Variants in HMGCLL1 observed in about 807,000 individuals in gnomAD.
HMGCLL1 encodes 3-hydroxymethyl-3-methylglutaryl-CoA lyase, cytoplasmic.
In HMGCLL1, 36 loss-of-function variants were observed where a neutral mutation model predicts 39.1. That is an observed-to-expected ratio of 0.92 (90% confidence interval 0.71 to 1.22). The LOEUF (loss-of-function observed/expected upper bound fraction) is 1.22, where lower values mean the gene tolerates loss of function less well. Among genes scored for constraint, HMGCLL1 ranks in the 50% most tolerant of loss-of-function variants. The probability of loss-of-function intolerance (pLI) is 0.00; values close to 1 mark genes in which losing one functional copy is unlikely to be tolerated. For synonymous variants in HMGCLL1, 149 were observed against 144.0 expected, an observed-to-expected ratio of 1.03 and a Z score of -0.25; for missense variants, 451 against 416.5, an observed-to-expected ratio of 1.08 and a Z score of -0.72.
intron 3 of HMGCLL1, among the ~76,000 whole-genome samples, chr6:55,523,383 C>A (rs1300292447): frequency 6.6e-6 from 1 of 151,958 alleles, no homozygotes; most frequent in Non-Finnish European, 1.5e-5. Context: ...ATTGCTTTGA[C>A]TGCTCTATAG....
chr6:55,593,331 T>G, the HMGCLL1 span, among the ~76,000 whole-genome samples: 1 of 152,276 alleles, frequency 6.6e-6, no homozygotes, highest in South Asian at 2.1e-4. Flanking sequence ...AGAAAACAAT[T>G]AAAATTAGTT....
rs138126869 is a variant in HMGCLL1 at position 55,445,341 on chromosome 6, T to A, written c.796-5782A>T. 6.1e-3 allele frequency among the ~76,000 whole-genome samples: 929 copies of A among 152,160 alleles called. 7 individuals carry two copies. The highest frequency in any genetic ancestry group is 9.6e-3 in the Non-Finnish European group (654 of 67,940). The stretch of plus-strand genomic sequence containing the variant: ...TCTAAGAAAATTTTATTTCACTATG[T>A]ATGTTTTCTTCACATCTACTACCTT... On this transcript the variant is annotated intron_variant, in intron 7 of 8. Coordinates refer to ENST00000274901, the MANE Select transcript of HMGCLL1 (RefSeq NM_001042406.2).
intron 5 of HMGCLL1, among the ~76,000 whole-genome samples, chr6:55,502,393 G>A (rs1766935476): frequency 6.6e-6 from 1 of 151,570 alleles, no homozygotes; most frequent in Non-Finnish European, 1.5e-5. Context: ...CTAATTTCTA[G>A]AAAATTCTCA....
chr6:55,656,479 C>T, the HMGCLL1 span, among the ~76,000 whole-genome samples: 23 of 151,880 alleles, frequency 1.5e-4, 1 homozygote, highest in Non-Finnish European at 2.9e-5. Context: ...TTATAAGCAC[C>T]ATTAACAGGC....
intron 1 of HMGCLL1, among the ~76,000 whole-genome samples, chr6:55,554,248 A>G (rs916804844): frequency 3.9e-4 from 59 of 152,304 alleles, no homozygotes; most frequent in African/African-American, 1.2e-3. Context: ...AAGAGTATCA[A>G]AAAAGTCCTA....
rs145537404 is a variant in HMGCLL1 at position 55,489,671 on chromosome 6, G to T, written c.795+5748C>A. On this transcript the variant is annotated intron_variant, in intron 7 of 8. Transcript: ENST00000274901. The stretch of plus-strand genomic sequence containing the variant: ...GTCTGAAGGAAATAAAATAACAGCT[G>T]AAACCTAGGATTAATGTCATACTAG... 3.3e-3 allele frequency among the ~76,000 whole-genome samples: 497 copies of T among 151,978 alleles called. 2 individuals are homozygous for T. Among genetic ancestry groups the T allele is most frequent in the African/African-American group, 0.011 (470 of 41,486 alleles).
At chr6:55,498,373 T>C (rs1330930189) in intron 6 of HMGCLL1, among the ~76,000 whole-genome samples, 1 of 152,112 alleles carries the variant, frequency 6.6e-6, no homozygotes. Context: ...GGGTCTTGTG[T>C]AAATAATAGA....
chr6:55,581,890 T>C (rs1360273713), upstream of HMGCLL1, among the ~76,000 whole-genome samples: 1 of 152,028 alleles, frequency 6.6e-6, no homozygotes, highest in Non-Finnish European at 1.5e-5. Context: ...TTCTGTTTTC[T>C]CTAGTGACTT....
At chr6:55,540,482 A>G (rs1192671456) in intron 3 of HMGCLL1, among the ~76,000 whole-genome samples, 1 of 152,080 alleles carries the variant, frequency 6.6e-6, no homozygotes, top group Non-Finnish European at 1.5e-5. Flanking sequence ...CCACCATATG[A>G]GGATAGAATG....
At chr6:55,482,471 T>C (rs763775777) in intron 7 of HMGCLL1, among the ~76,000 whole-genome samples, 3 of 152,160 alleles carry the variant, frequency 2.0e-5, no homozygotes, top group Admixed American at 6.5e-5. Flanking sequence ...TTAACACTTA[T>C]AACTCTAAGG....
At position 55,477,182 on chromosome 6, in the gene HMGCLL1, T is replaced by TA. The variant is rs1491427320; in HGVS notation, c.795+18236_795+18237insT. Among the ~76,000 whole-genome samples the TA allele has an allele frequency of 3.4e-4, 8 of 23,300 alleles. 1 individual carries two copies. Among genetic ancestry groups the TA allele is most frequent in the African/African-American group, 2.5e-3 (8 of 3,214 alleles). The allele number at this position is 23,300 out of a possible 152,430, so 15.3% of individuals were successfully genotyped here. ...ATATTATAATATAATATATATTATA[T>TA]TTATATATTATATATTATATAATAT... On this transcript the variant is annotated intron_variant, in intron 7 of 8. Transcript: ENST00000274901.
At chr6:55,603,871 C>T in the HMGCLL1 span, among the ~76,000 whole-genome samples, 1 of 152,060 alleles carries the variant, frequency 6.6e-6, no homozygotes, top group African/African-American at 2.4e-5. Context: ...GAGGGGCAAA[C>T]TAAAAAGCAG....
At chr6:55,592,458 T>C in the HMGCLL1 span, among the ~76,000 whole-genome samples, 1 of 152,096 alleles carries the variant, frequency 6.6e-6, no homozygotes, top group African/African-American at 2.4e-5. Flanking sequence ...ATGCTTCATC[T>C]TCAACAATAG....
chr6:55,623,698 TACAC>T, the HMGCLL1 span, among the ~76,000 whole-genome samples: 1 of 149,258 alleles, frequency 6.7e-6, no homozygotes, highest in Middle Eastern at 3.3e-3. Flanking sequence ...TATATACATA[TACAC>T]ATATAATATA....
At chr6:55,522,200 G>T (rs1768076553) in intron 3 of HMGCLL1, among the ~76,000 whole-genome samples, 1 of 151,790 alleles carries the variant, frequency 6.6e-6, no homozygotes, top group Non-Finnish European at 1.5e-5. Context: ...ACTTTTTAGT[G>T]TATTGTAAAA....
At chr6:55,502,759 CAAAT>C (rs1766958967) in intron 5 of HMGCLL1, among the ~76,000 whole-genome samples, 1 of 148,356 alleles carries the variant, frequency 6.7e-6, no homozygotes, top group African/African-American at 2.5e-5. Context: ...AGATTCATTT[CAAAT>C]ACATGATTTT....
chr6:55,583,441 C>T (rs1772019189), upstream of HMGCLL1, among the ~76,000 whole-genome samples: 1 of 151,662 alleles, frequency 6.6e-6, no homozygotes, highest in South Asian at 2.1e-4. Context: ...TGAGAACATG[C>T]AGTGTTTGGT....
At chr6:55,616,066 C>T in the HMGCLL1 span, among the ~76,000 whole-genome samples, 1 of 151,980 alleles carries the variant, frequency 6.6e-6, no homozygotes, top group Non-Finnish European at 1.5e-5. Context: ...AAGCAACAGC[C>T]GGGAGCCATT....
chr6:55,654,552 AG>A, the HMGCLL1 span, among the ~76,000 whole-genome samples: 1 of 151,896 alleles, frequency 6.6e-6, no homozygotes, highest in Non-Finnish European at 1.5e-5. Context: ...GGCAATTAAA[AG>A]TTCTGCCATC....
Sources: allele counts gnomAD v4.1 joint callset (sites outside exome capture counted in the v4.1 genomes callset), GRCh38; gene constraint gnomAD v4.1.1; transcripts MANE v1.5; gene names NCBI Gene and HGNC (gene_info 2026-07-23, HGNC 2026-07-21).